The following TNRC18 variants were observed in gnomAD, a reference collection of about 807,000 sequenced individuals.
TNRC18 encodes the protein trinucleotide repeat containing 18, also known as trinucleotide repeat-containing gene 18 protein.
A neutral mutation model predicts 226.7 loss-of-function variants in TNRC18; 69 were observed. The observed-to-expected ratio is 0.30, with a 90% CI of 0.25 to 0.37. TNRC18 has a LOEUF of 0.37. TNRC18 is among the 10% of genes least tolerant of loss of function. The pLI, the probability that TNRC18 is intolerant of heterozygous loss-of-function variation, is 1.00. For missense variants in TNRC18, 4,754 were observed against 4,256.6 expected (o/e 1.12, Z -3.25); for synonymous variants, 2,449 against 1,927.6 (o/e 1.27, Z -7.09).
intron 21 of TNRC18, 69 bp from the exon 22 acceptor site, chr7:5,321,259 T>G: frequency 8.7e-7 from 1 of 1,146,792 alleles, no homozygotes; most frequent in Non-Finnish European, 1.2e-6. Context: ...CTCCTCCCGT[T>G]ACCCCCAAGT....
Position 5,370,235 on chromosome 7 carries a change from A to T in TNRC18, c.4219+140T>A, listed in dbSNP as rs1382955656. On this transcript the variant is annotated intron_variant, in intron 11 of 29. Transcript: ENST00000430969. ...CTACTGGGGAGGCTGGGGAGGGAAG[A>T]TCACTTGAGCCCAGGAGTTTGAGGC... 1.7e-5 allele frequency: 17 copies of T among 1,014,274 alleles called. No homozygotes were observed. The East Asian group carries it at 4.5e-4, about 27-fold the overall frequency. The allele number at this position is 1,014,274 out of a possible 1,614,324, so 62.8% of individuals were successfully genotyped here.
At chr7:5,344,027 T>G (rs975626460) in intron 18 of TNRC18, among the ~76,000 whole-genome samples, 1 of 152,108 alleles carries the variant, frequency 6.6e-6, no homozygotes, top group Non-Finnish European at 1.5e-5. Flanking sequence ...AGAAACAATC[T>G]GTATCAGCAA....
At chr7:5,379,786 TC>T (rs1234807865) in intron 5 of TNRC18, among the ~76,000 whole-genome samples, 2 of 152,194 alleles carry the variant, frequency 1.3e-5, no homozygotes, top group Admixed American at 6.5e-5. Flanking sequence ...GCCCGTCGGC[TC>T]CCAGGTGCCA....
chr7:5,338,475 G>A (rs943200915), intron 18 of TNRC18, among the ~76,000 whole-genome samples: 7 of 152,044 alleles, frequency 4.6e-5, no homozygotes, highest in Non-Finnish European at 7.4e-5. Context: ...GCCAGGCGTC[G>A]TGGCTCAGGC....
intron 2 of TNRC18, among the ~76,000 whole-genome samples, chr7:5,396,962 C>A (rs1780732090): frequency 6.6e-6 from 1 of 152,220 alleles, no homozygotes. Context: ...CTTTGGGGTA[C>A]ATGTGGGGAA....
At position 5,370,895 on chromosome 7, in the gene TNRC18, C is replaced by T. The variant is rs754561864; in HGVS notation, c.3699G>A (p.Pro1233=). 15 of 1,606,672 alleles carry T rather than the reference C, an allele frequency of 9.3e-6. No individual in the cohort carries two copies. Among genetic ancestry groups the T allele is most frequent in the East Asian group, 2.2e-5 (1 of 44,880 alleles). The change falls in exon 11 of 30, where the codon CCG becomes CCA. Residue 1233 remains proline, a synonymous_variant. Coordinates refer to ENST00000430969, the MANE Select transcript of TNRC18 (RefSeq NM_001080495.3). ...CGGCGGTGCAGGGTTCTGTCCGGCCCGGGGAATCCACCCGTGGTTCAGGCC... is the reference window on the plus strand; with the variant it reads ...CGGCGGTGCAGGGTTCTGTCCGGCCTGGGGAATCCACCCGTGGTTCAGGCC... ...VEGPEPRVDS[P]GRTEPCTAAL...
chr7:5,376,803 A>G lies in TNRC18; in HGVS notation c.2608+44T>C, dbSNP rs774378957. 19 of 1,593,210 alleles carry G rather than the reference A, an allele frequency of 1.2e-5. No individual in the cohort carries two copies. The East Asian group carries it at 3.4e-4, about 29-fold the overall frequency. Reference sequence around the variant, plus strand: ...GGCATCAGAGACCATCTCGCTGGGCATGGCCAGTCTGGCCCATGGTGGCCA... The same window carrying G: ...GGCATCAGAGACCATCTCGCTGGGCGTGGCCAGTCTGGCCCATGGTGGCCA... On this transcript the variant is annotated intron_variant, in intron 8 of 29. Coordinates refer to ENST00000430969, the MANE Select transcript of TNRC18 (RefSeq NM_001080495.3).
chr7:5,388,037 G>A lies in TNRC18; in HGVS notation c.1787C>T (p.Ala596Val), dbSNP rs867808906. ...QSLIKYSGSF[A>V]RDAVAVRPGG... ...AGGGCGCACGGCCACGGCGTCCCGGGCAAAGCTGCCACTGTACTTTATAAG... is the reference window on the plus strand; with the variant it reads ...AGGGCGCACGGCCACGGCGTCCCGGACAAAGCTGCCACTGTACTTTATAAG... The change falls in exon 5 of 30, where the codon GCC becomes GTC. Residue 596 changes from alanine (A) to valine (V), a missense_variant. Ala to Val is a moderately conservative substitution (Grantham distance 64). Coordinates refer to ENST00000430969, the MANE Select transcript of TNRC18 (RefSeq NM_001080495.3). 1.9e-6 allele frequency: 3 copies of A among 1,563,600 alleles called. No homozygotes were observed. The highest frequency in any genetic ancestry group is 2.4e-5 in the East Asian group (1 of 41,956).
chr7:5,423,586 T>G lies in TNRC18; in HGVS notation c.-389A>C, dbSNP rs1782698150. 6.6e-6 allele frequency: 1 copy of G among 151,044 alleles called. No individual in the cohort carries two copies. The highest frequency in any genetic ancestry group is 2.4e-5 in the African/African-American group (1 of 41,242). 9.4% of individuals were successfully genotyped at this position (151,044 alleles called of 1,614,324 possible). Reference sequence around the variant, plus strand: ...CCACCCGCAGCCGCCTCACACTTTTTGCCCGCCTTTCCTTTTTTTGGTAGA... The same window carrying G: ...CCACCCGCAGCCGCCTCACACTTTTGGCCCGCCTTTCCTTTTTTTGGTAGA... On this transcript the variant is annotated 5_prime_UTR_variant, in exon 1 of 30. Coordinates refer to ENST00000430969, the MANE Select transcript of TNRC18 (RefSeq NM_001080495.3).
chr7:5,368,779 G>A (rs1050582406), intron 11 of TNRC18, among the ~76,000 whole-genome samples: 2 of 152,058 alleles, frequency 1.3e-5, no homozygotes, highest in Non-Finnish European at 2.9e-5. Flanking sequence ...TGTTCTAGAG[G>A]AAATATACTA....
rs74302778 is a variant in TNRC18 at position 5,356,830 on chromosome 7, C to T, written c.5194+86G>A. The T allele has an allele frequency of 1.6e-4, 132 of 807,054 alleles. 1 individual carries two copies. Among genetic ancestry groups the T allele is most frequent in the Non-Finnish European group, 1.7e-4 (103 of 604,396 alleles). 50.0% of individuals were successfully genotyped at this position (807,054 alleles called of 1,614,324 possible). A position where few individuals can be genotyped will look rare whatever the true frequency, so the allele number is the denominator to read the frequency against. ...CGAGAGCGAGAGAGAGAGTGAGGGG[C>T]GGGGGGGGAAGGAGGACGGTGGAGA... On this transcript the variant is annotated intron_variant, in intron 16 of 29. Transcript: ENST00000430969.
At chr7:5,368,972 C>T (rs908662615) in intron 11 of TNRC18, among the ~76,000 whole-genome samples, 1 of 152,134 alleles carries the variant, frequency 6.6e-6, no homozygotes, top group African/African-American at 2.4e-5. Flanking sequence ...CCCTACACCC[C>T]AGAGGCAACA....
intron 2 of TNRC18, among the ~76,000 whole-genome samples, chr7:5,407,897 G>C (rs1308695624): frequency 6.6e-6 from 1 of 152,198 alleles, no homozygotes; most frequent in Non-Finnish European, 1.5e-5. Context: ...GAAGACATCA[G>C]ATGCCTCTTA....
Position 5,377,312 on chromosome 7 carries a change from A to ACCCCCCCCCCC in TNRC18, c.2461+58_2461+59insGGGGGGGGGGG. On this transcript the variant is annotated intron_variant, in intron 7 of 29. Transcript: ENST00000430969. The surrounding 1 kb of genome is among the most constrained non-coding windows in gnomAD (Gnocchi z 5.8). ...AGCCAGCCCTGAGCTCTTGTCCTGC[A>ACCCCCCCCCCC]CCCGCCCCCTCCCACCCCTCCCTCA... 19 of 1,295,688 alleles carry ACCCCCCCCCCC rather than the reference A, an allele frequency of 1.5e-5. No individual in the cohort carries two copies. The highest frequency in any genetic ancestry group is 2.6e-5 in the East Asian group (1 of 38,798). The allele number at this position is 1,295,688 out of a possible 1,614,324, so 80.3% of individuals were successfully genotyped here. A position where few individuals can be genotyped will look rare whatever the true frequency, so the allele number is the denominator to read the frequency against.
intron 19 of TNRC18, among the ~76,000 whole-genome samples, chr7:5,326,357 G>C (rs1266628281): frequency 6.6e-6 from 1 of 152,164 alleles, no homozygotes; most frequent in Non-Finnish European, 1.5e-5. Context: ...AGCCTATTGA[G>C]CCAAGGTATG....
chr7:5,382,838 C>G (rs1407770499), intron 5 of TNRC18, among the ~76,000 whole-genome samples: 1 of 152,180 alleles, frequency 6.6e-6, no homozygotes, highest in Non-Finnish European at 1.5e-5. Flanking sequence ...TCCACGCCCT[C>G]ACAGGAGACC....
rs374655143 is a variant in TNRC18 at position 5,308,163 on chromosome 7, G to A, written c.8850C>T (p.Thr2950=). 8.5e-5 allele frequency: 134 copies of A among 1,582,122 alleles called. No individual in the cohort carries two copies. The highest frequency in any genetic ancestry group is 1.6e-4 in the African/African-American group (12 of 74,324). ...AGATCATGCCCGTGGTGGGCTCGTA[G>A]GTGCCCGCGAGGTAGTACAGGCCCT... ...DSEGLYYLAG[T]YEPTTGMIFS... The change falls in exon 30 of 30, where the codon ACC becomes ACT. Residue 2950 remains threonine, a synonymous_variant. Coordinates refer to ENST00000430969, the MANE Select transcript of TNRC18 (RefSeq NM_001080495.3).
At chr7:5,340,837 T>C (rs1029051283) in intron 18 of TNRC18, among the ~76,000 whole-genome samples, 12 of 151,210 alleles carry the variant, frequency 7.9e-5, no homozygotes, top group Non-Finnish European at 1.8e-4. Flanking sequence ...CTGCAGCGAG[T>C]TCTCCAGAAG....
chr7:5,420,812 T>C, intron 2 of TNRC18: 1 of 690,070 alleles, frequency 1.4e-6, no homozygotes, highest in Non-Finnish European at 2.6e-6. Flanking sequence ...TGGCTCGGGC[T>C]ACCACACCGG....
Sources: gnomAD v4.1 joint callset for allele counts (sites outside exome capture counted in the v4.1 genomes callset) on GRCh38, gnomAD v4.1.1 for gene constraint, Gnocchi (gnomAD v3.1) non-coding constraint, MANE v1.5 for transcripts, NCBI Gene and HGNC (gene_info 2026-07-23, HGNC 2026-07-21) for gene names.